Variants in ZNF423 observed in about 807,000 individuals in gnomAD.
ZNF423 encodes zinc finger protein 423, also known as Ebf-associated zinc finger protein.
Under a neutral mutation model 95.8 loss-of-function variants are expected in ZNF423, and 12 were observed. The ratio of observed to expected loss-of-function variants is 0.13; its 90% CI spans 0.08 to 0.20. The LOEUF is 0.20. Ranked by LOEUF, ZNF423 falls within the 10% of genes least tolerant of loss-of-function variation. The probability of loss-of-function intolerance (pLI) is 1.00; values close to 1 mark genes in which losing one functional copy is unlikely to be tolerated. For missense variants in ZNF423, 1,316 were observed against 1,737.1 expected (o/e 0.76, Z 4.31); for synonymous variants, 749 against 711.9 (o/e 1.05, Z -0.83).
chr16:49,767,366 G>A (rs1036561909), intron 2 of ZNF423, among the ~76,000 whole-genome samples: 1 of 152,158 alleles, frequency 6.6e-6, no homozygotes, highest in Non-Finnish European at 1.5e-5. Context: ...CTCGAAGTGG[G>A]CCAAGGCACC....
intron 1 of ZNF423, among the ~76,000 whole-genome samples, chr16:49,838,725 G>T (rs967816820): frequency 6.6e-6 from 1 of 151,778 alleles, no homozygotes; most frequent in African/African-American, 2.4e-5. Context: ...GGCGGCCCGC[G>T]GCGCAGAACA....
intron 2 of ZNF423, among the ~76,000 whole-genome samples, chr16:49,755,725 A>T (rs1268429511): frequency 6.6e-6 from 1 of 151,620 alleles, no homozygotes; most frequent in African/African-American, 2.4e-5. Context: ...TTGGTTAAAA[A>T]ATAATAATAA....
chr16:49,514,674 C>T (rs1363999749), intron 7 of ZNF423, among the ~76,000 whole-genome samples: 1 of 152,190 alleles, frequency 6.6e-6, no homozygotes, highest in African/African-American at 2.4e-5. Flanking sequence ...TAGCTGGAAG[C>T]AGCATGATTA....
intron 2 of ZNF423, among the ~76,000 whole-genome samples, chr16:49,753,166 C>T (rs1372531100): frequency 6.6e-6 from 1 of 151,856 alleles, no homozygotes; most frequent in Admixed American, 6.6e-5. Context: ...ATCACTTGAA[C>T]CCGGGAGGCA....
intron 3 of ZNF423, among the ~76,000 whole-genome samples, chr16:49,647,605 A>T (rs1295572022): frequency 6.6e-6 from 1 of 152,162 alleles, no homozygotes; most frequent in African/African-American, 2.4e-5. Flanking sequence ...CCCAACCAGC[A>T]ATTACTAGTA....
intron 3 of ZNF423, among the ~76,000 whole-genome samples, chr16:49,671,665 C>G (rs1042841470): frequency 1.3e-5 from 2 of 152,134 alleles, no homozygotes; most frequent in Non-Finnish European, 2.9e-5. Flanking sequence ...AGGTGCCCCA[C>G]ACGTTTTATT....
chr16:49,677,287 A>AGAAGAGAAGGGAAGG (rs2031122472), intron 3 of ZNF423, among the ~76,000 whole-genome samples: 1 of 82,320 alleles, frequency 1.2e-5, no homozygotes. Flanking sequence ...AGAAGAGAAG[A>AGAAGAGAAGGGAAGG]GAAGAGAAGA....
At chr16:49,838,175 A>T (rs567323753) in intron 1 of ZNF423, among the ~76,000 whole-genome samples, 1 of 152,338 alleles carries the variant, frequency 6.6e-6, no homozygotes, top group Non-Finnish European at 1.5e-5. Flanking sequence ...ATACGTGCTG[A>T]TGCACTGGAA....
At chr16:49,790,571 A>T (rs1367774570) in intron 1 of ZNF423, among the ~76,000 whole-genome samples, 1 of 152,228 alleles carries the variant, frequency 6.6e-6, no homozygotes, top group African/African-American at 2.4e-5. Context: ...GAACCCTAGC[A>T]ACTCAGGCTG....
intron 1 of ZNF423, among the ~76,000 whole-genome samples, chr16:49,843,397 C>T (rs2035211695): frequency 6.6e-6 from 1 of 152,166 alleles, no homozygotes; most frequent in African/African-American, 2.4e-5. Context: ...ACCCTGGCTG[C>T]ACATTCCAAT....
At chr16:49,514,435 C>A (rs932560386) in intron 7 of ZNF423, among the ~76,000 whole-genome samples, 3 of 152,018 alleles carry the variant, frequency 2.0e-5, no homozygotes, top group Non-Finnish European at 4.4e-5. Flanking sequence ...GAGGTGGTGC[C>A]GGGAGTAGGT....
At chr16:49,682,892 G>A (rs549687939) in intron 3 of ZNF423, among the ~76,000 whole-genome samples, 7 of 152,166 alleles carry the variant, frequency 4.6e-5, no homozygotes, top group Admixed American at 2.6e-4. Context: ...GGACTTCGAC[G>A]GAGTGGGTAT....
At chr16:49,641,442 A>G (rs986641159) in intron 3 of ZNF423, among the ~76,000 whole-genome samples, 1 of 152,218 alleles carries the variant, frequency 6.6e-6, no homozygotes, top group Non-Finnish European at 1.5e-5. Flanking sequence ...GGAGGGGCTC[A>G]TCAGGGTTCA....
At chr16:49,634,070 C>A (rs1291916190) in intron 4 of ZNF423, among the ~76,000 whole-genome samples, 1 of 151,896 alleles carries the variant, frequency 6.6e-6, no homozygotes, top group Non-Finnish European at 1.5e-5. Context: ...CTATGCCCAC[C>A]TAAATTTTTG....
intron 2 of ZNF423, among the ~76,000 whole-genome samples, chr16:49,759,859 C>T (rs1422247334): frequency 6.6e-6 from 1 of 152,128 alleles, no homozygotes; most frequent in African/African-American, 2.4e-5. Flanking sequence ...CCCTGCTGCA[C>T]CTGCCCTTTG....
intron 5 of ZNF423, among the ~76,000 whole-genome samples, chr16:49,609,435 G>T (rs1971645914): frequency 6.6e-6 from 1 of 152,008 alleles, no homozygotes; most frequent in Non-Finnish European, 1.5e-5. Context: ...TTTAAAGGAG[G>T]CATCATAGAA....
chr16:49,828,484 A>C (rs770697523), intron 1 of ZNF423, among the ~76,000 whole-genome samples: 2 of 152,214 alleles, frequency 1.3e-5, no homozygotes, highest in Non-Finnish European at 2.9e-5. Context: ...ACTCACACCG[A>C]CACTTCCCAC....
intron 5 of ZNF423, among the ~76,000 whole-genome samples, chr16:49,564,972 C>T (rs1467295669): frequency 2.0e-5 from 3 of 152,200 alleles, no homozygotes; most frequent in African/African-American, 7.2e-5. Context: ...AGCCGGCCAC[C>T]TCATTTAGAA....
chr16:49,696,561 C>T (rs2031979385), intron 3 of ZNF423, among the ~76,000 whole-genome samples: 1 of 152,182 alleles, frequency 6.6e-6, no homozygotes, highest in African/African-American at 2.4e-5. Context: ...CCTGGCTGGC[C>T]TCTCCCCTAG....
Sources: allele counts gnomAD v4.1 joint callset (sites outside exome capture counted in the v4.1 genomes callset), GRCh38; gene constraint gnomAD v4.1.1; transcripts MANE v1.5; gene names NCBI Gene and HGNC (gene_info 2026-07-23, HGNC 2026-07-21).